PRKCH: variants seen among roughly 807,000 people sequenced by gnomAD.
PRKCH encodes protein kinase C eta type.
PRKCH carries 28 observed loss-of-function variants against 82.5 expected under a neutral mutation model. The ratio of observed to expected loss-of-function variants is 0.34; its 90% confidence interval spans 0.25 to 0.47. PRKCH has a LOEUF of 0.47. Among genes scored for constraint, PRKCH ranks in the 20% least tolerant of loss-of-function variants. The probability of loss-of-function intolerance (pLI) is 1.00; values close to 1 mark genes in which losing one functional copy is unlikely to be tolerated. For synonymous variants in PRKCH, 322 were observed against 327.4 expected (o/e 0.98, Z 0.18); for missense variants, 705 against 881.8 (o/e 0.80, Z 2.54).
intron 9 of PRKCH, among the ~76,000 whole-genome samples, chr14:61,466,322 C>G (rs1043872772): frequency 6.6e-6 from 1 of 152,202 alleles, no homozygotes; most frequent in Non-Finnish European, 1.5e-5. Flanking sequence ...TACATGCTGT[C>G]TCCCTGACTC....
intron 10 of PRKCH, among the ~76,000 whole-genome samples, chr14:61,504,252 G>C (rs1295109939): frequency 1.3e-5 from 2 of 151,914 alleles, no homozygotes; most frequent in South Asian, 2.1e-4. Flanking sequence ...GCAGTGGTGC[G>C]ATCTCGGCTC....
At chr14:61,428,042 T>TATATATAGATAGATAG (rs1295299219) in intron 2 of PRKCH, among the ~76,000 whole-genome samples, 2 of 121,894 alleles carry the variant, frequency 1.6e-5, no homozygotes, top group African/African-American at 6.4e-5. Flanking sequence ...AATATATATA[T>TATATATAGATAGATAG]ATAGATAGAT....
In PRKCH at chr14:61,280,182, C is replaced by T; in HGVS notation, c.-19+92514C>T. ...TGAGGATGCAGAGGGAGCCGACGAC[C>T]AGGTAGGCGATGCCCAGGAAGGGGT... is the stretch of plus-strand genomic sequence containing the variant. On this transcript the variant is annotated intron_variant, in intron 1 of 3. Coordinates refer to the PRKCH transcript ENST00000555185. This position sits in a 1 kb window ranked among gnomAD's most constrained non-coding sequence, Gnocchi z 5.0. The T allele has an allele frequency of 1.2e-6, 2 of 1,614,148 alleles. No homozygotes were observed. Among genetic ancestry groups the T allele is most frequent in the Non-Finnish European group, 1.7e-6 (2 of 1,180,014 alleles).
At chr14:61,351,377 C>T (rs563416393) in intron 1 of PRKCH, among the ~76,000 whole-genome samples, 35 of 152,146 alleles carry the variant, frequency 2.3e-4, no homozygotes, top group African/African-American at 7.5e-4. Flanking sequence ...GAGAGATGGG[C>T]GAGGAGTGCA....
At chr14:61,271,440 T>C (rs1302534195) in intron 1 of PRKCH, among the ~76,000 whole-genome samples, 4 of 152,214 alleles carry the variant, frequency 2.6e-5, no homozygotes, top group Admixed American at 2.0e-4. Flanking sequence ...CAGGGCTGTC[T>C]TGACTATTCT....
chr14:61,473,847 G>A (rs1409522612), intron 9 of PRKCH, among the ~76,000 whole-genome samples: 1 of 152,066 alleles, frequency 6.6e-6, no homozygotes, highest in Non-Finnish European at 1.5e-5. Context: ...ACAAAAATTA[G>A]CCGGGCATGG....
At chr14:61,545,204 A>C (rs1309439691) in intron 12 of PRKCH, 1 of 151,954 alleles carries the variant, frequency 6.6e-6, no homozygotes, top group African/African-American at 2.4e-5. Context: ...CCTCAGGCGC[A>C]TTTTCTTCCT....
chr14:61,530,222 C>G (rs7161556), intron 11 of PRKCH, among the ~76,000 whole-genome samples, 185 bp from the exon 12 acceptor site: 1 of 152,102 alleles, frequency 6.6e-6, no homozygotes, highest in African/African-American at 2.4e-5. Flanking sequence ...TGAGAAGGCA[C>G]CTCTGAGTTG....
intron 1 of PRKCH, among the ~76,000 whole-genome samples, chr14:61,194,687 T>C (rs1374218457): frequency 6.6e-6 from 1 of 152,250 alleles, no homozygotes; most frequent in East Asian, 1.9e-4. Flanking sequence ...TCATATATTT[T>C]GTTTCTACAT....
At chr14:61,400,358 T>A (rs1881544036) in intron 2 of PRKCH, among the ~76,000 whole-genome samples, 1 of 152,220 alleles carries the variant, frequency 6.6e-6, no homozygotes, top group Non-Finnish European at 1.5e-5. Context: ...GTTGATTTAA[T>A]TTTTTTAAAA....
Position 61,530,307 on chromosome 14 carries a change from A to G in PRKCH, c.1573-100A>G. ...CTAGCACAGGAGACTTTTTTAAAAA[A>G]ACTTTGATATTTCCTAATGCATCAA... On this transcript the variant is annotated intron_variant, in intron 11 of 13. Transcript: ENST00000332981. 2.3e-6 allele frequency: 3 copies of G among 1,300,804 alleles called. No homozygotes were observed. The South Asian group carries it at 5.6e-5, about 24-fold the overall frequency. 80.6% of individuals were successfully genotyped at this position (1,300,804 alleles called of 1,614,324 possible).
intron 2 of PRKCH, among the ~76,000 whole-genome samples, chr14:61,429,300 A>G (rs1461703555): frequency 6.6e-6 from 1 of 152,228 alleles, no homozygotes; most frequent in Non-Finnish European, 1.5e-5. Flanking sequence ...TATGGAACCA[A>G]TTTGTAAGTT....
In PRKCH at chr14:61,532,138, G is replaced by GTTT. The variant is rs1300086953; in HGVS notation, c.1761+1545_1761+1547dup. Among the ~76,000 whole-genome samples the GTTT allele has an allele frequency of 2.0e-5, 3 of 152,048 alleles. No individual in the cohort carries two copies. The East Asian group carries it at 5.8e-4, about 29-fold the overall frequency. On this transcript the variant is annotated intron_variant, in intron 12 of 13. Coordinates refer to ENST00000332981, the MANE Select transcript of PRKCH (RefSeq NM_006255.5). ...AACAGCCACCTTCATCATACTAATG[G>GTTT]TTTTCCATGCTCCACATATTTAGTC...
At chr14:61,332,076 G>C (rs1323677740) in intron 1 of PRKCH, among the ~76,000 whole-genome samples, 2 of 152,216 alleles carry the variant, frequency 1.3e-5, no homozygotes. Context: ...GTCAGAGAGA[G>C]ACTGAGAATC....
At position 61,322,033 on chromosome 14, in the gene PRKCH, G is replaced by A; in HGVS notation, c.-69G>A. The A allele has an allele frequency of 4.8e-6, 7 of 1,468,726 alleles. No homozygotes were observed. Among genetic ancestry groups the A allele is most frequent in the Non-Finnish European group, 4.5e-6 (5 of 1,103,208 alleles). The allele number at this position is 1,468,726 out of a possible 1,614,324, so 91.0% of individuals were successfully genotyped here. ...CTGCACCTGTCCCGAGGGCTGGCCT[G>A]AGACGGGACTCCCGGTTCTCCCGCT... On this transcript the variant is annotated 5_prime_UTR_variant, in exon 1 of 14. An upstream open reading frame in the 5' UTR loses its in-frame stop. Coordinates refer to ENST00000332981, the MANE Select transcript of PRKCH (RefSeq NM_006255.5).
intron 2 of PRKCH, among the ~76,000 whole-genome samples, chr14:61,431,033 C>A (rs917130566): frequency 6.6e-6 from 1 of 152,236 alleles, no homozygotes; most frequent in Non-Finnish European, 1.5e-5. Context: ...GGATTACAGG[C>A]GTGAGCCGCG....
At chr14:61,532,016 C>T (rs778712104) in intron 12 of PRKCH, among the ~76,000 whole-genome samples, 1 of 152,208 alleles carries the variant, frequency 6.6e-6, no homozygotes, top group Non-Finnish European at 1.5e-5. Context: ...CCTCATCGTG[C>T]TGCAGACGGA....
At chr14:61,211,005 G>A (rs1197290105) in intron 1 of PRKCH, among the ~76,000 whole-genome samples, 1 of 152,226 alleles carries the variant, frequency 6.6e-6, no homozygotes, top group East Asian at 1.9e-4. Context: ...TGTTGGGGCA[G>A]CAGTTGGGAA....
chr14:61,320,819 A>G (rs1253036610), upstream of PRKCH, among the ~76,000 whole-genome samples: 1 of 152,106 alleles, frequency 6.6e-6, no homozygotes, highest in African/African-American at 2.4e-5. Context: ...AGAAGAGGCA[A>G]TTTCTTCCGC....
Sources: gnomAD v4.1 joint callset for allele counts (sites outside exome capture counted in the v4.1 genomes callset) on GRCh38, gnomAD v4.1.1 for gene constraint, Gnocchi (gnomAD v3.1) non-coding constraint, MANE v1.5 for transcripts, NCBI Gene and HGNC (gene_info 2026-07-23, HGNC 2026-07-21) for gene names.